Variants in PSMG3 observed in about 807,000 individuals in gnomAD.
The protein encoded by PSMG3 is proteasome assembly chaperone 3.
Under a neutral mutation model 7.9 loss-of-function variants are expected in PSMG3, and 4 were observed. That is an observed-to-expected ratio of 0.51 (90% confidence interval 0.25 to 1.16). PSMG3 has a LOEUF of 1.16. PSMG3 is among the 50% of genes most tolerant of loss of function. The probability of loss-of-function intolerance (pLI) is 0.15; values close to 1 mark genes in which losing one functional copy is unlikely to be tolerated. For synonymous variants in PSMG3, 81 were observed against 69.8 expected (o/e 1.16, Z -0.80); for missense variants, 151 against 157.4 (o/e 0.96, Z 0.22).
At chr7:1,568,127 G>A (rs943203575) in intron 1 of PSMG3, among the ~76,000 whole-genome samples, 1 of 152,110 alleles carries the variant, frequency 6.6e-6, no homozygotes, top group South Asian at 2.1e-4. Context: ...CCAGGAAAGA[G>A]AAGCCTGCAG....
intron 1 of PSMG3, among the ~76,000 whole-genome samples, chr7:1,568,599 G>A (rs1407866367): frequency 6.6e-6 from 1 of 151,816 alleles, no homozygotes; most frequent in East Asian, 2.0e-4. Context: ...CCAAGTAGCT[G>A]GGAGCACAGG....
chr7:1,569,965 G>C lies in PSMG3; in HGVS notation c.-626C>G, dbSNP rs1778859727. 3 of 151,924 alleles carry C rather than the reference G, an allele frequency of 2.0e-5. No individual in the cohort carries two copies. Among genetic ancestry groups the C allele is most frequent in the Admixed American group, 1.3e-4 (2 of 15,266 alleles). The allele number at this position is 151,924 out of a possible 1,614,324, so 9.4% of individuals were successfully genotyped here. ...CGGTGCCGAGGCCGGCCGGGCTACT[G>C]GGGACGCAGCCGCCCGGGGAAGCCC... On this transcript the variant is annotated 5_prime_UTR_variant, in exon 1 of 2. Coordinates refer to ENST00000288607, the MANE Select transcript of PSMG3 (RefSeq NM_032302.4).
In PSMG3 at chr7:1,569,568, A is replaced by C. The variant is rs1583241093; in HGVS notation, c.-229T>G. On this transcript the variant is annotated 5_prime_UTR_variant, in exon 1 of 2. Coordinates refer to ENST00000288607, the MANE Select transcript of PSMG3 (RefSeq NM_032302.4). ...CGATCGTTGAGGCCAGGAATTCGAG[A>C]CCAGCCTGGCCAACATAGCGAGACC... is the stretch of plus-strand genomic sequence containing the variant. 5.7e-6 allele frequency: 2 copies of C among 351,224 alleles called. No homozygotes were observed. Among genetic ancestry groups the C allele is most frequent in the Non-Finnish European group, 5.2e-6 (1 of 192,720 alleles). The allele number at this position is 351,224 out of a possible 1,614,324, so 21.8% of individuals were successfully genotyped here.
chr7:1,568,768 C>T (rs1778820471), intron 1 of PSMG3, among the ~76,000 whole-genome samples: 1 of 152,184 alleles, frequency 6.6e-6, no homozygotes, highest in Non-Finnish European at 1.5e-5. Flanking sequence ...CTGCCTCAGC[C>T]TCCTGAGTAG....
chr7:1,567,635 C>G lies in PSMG3; in HGVS notation c.*63G>C. 6 of 1,513,910 alleles carry G rather than the reference C, an allele frequency of 4.0e-6. No homozygotes were observed. Among genetic ancestry groups the G allele is most frequent in the Non-Finnish European group, 5.3e-6 (6 of 1,125,338 alleles). 93.8% of individuals were successfully genotyped at this position (1,513,910 alleles called of 1,614,324 possible). ...CCGGGGAGGGAGGTGAGACTTGAGTCCCTGAGTGGGTGTCTGGGTGTTCAC... is the reference window on the plus strand; with the variant it reads ...CCGGGGAGGGAGGTGAGACTTGAGTGCCTGAGTGGGTGTCTGGGTGTTCAC... On this transcript the variant is annotated 3_prime_UTR_variant, in exon 2 of 2. Coordinates refer to ENST00000288607, the MANE Select transcript of PSMG3 (RefSeq NM_032302.4).
Position 1,569,119 on chromosome 7 carries a change from T to C in PSMG3, c.216+5A>G, listed in dbSNP as rs1778828648. On this transcript the variant is annotated splice_donor_5th_base_variant and intron_variant, in intron 1 of 1. Coordinates refer to ENST00000288607, the MANE Select transcript of PSMG3 (RefSeq NM_032302.4). ...GAGCCACAGTTCCCGGCCAATCCAC[T>C]TTACCTCATCCTGCCCCAGAAGGAC... 1 of 1,612,702 alleles carries C rather than the reference T, an allele frequency of 6.2e-7. No homozygotes were observed. Among genetic ancestry groups the C allele is most frequent in the Non-Finnish European group, 8.5e-7 (1 of 1,179,674 alleles).
rs918004536 is a variant in PSMG3, at chr7:1,567,394, C to T, written c.*304G>A. 5 of 305,680 alleles carry T rather than the reference C, an allele frequency of 1.6e-5. No homozygotes were observed. The highest frequency in any genetic ancestry group is 1.0e-4 in the Admixed American group (2 of 19,834). 18.9% of individuals were successfully genotyped at this position (305,680 alleles called of 1,614,324 possible). Reference sequence around the variant, plus strand: ...TTCCTCCTACAATTGATCCTGCACACGGGGGGGCCATGAGCCACGCCTGCT... The same window carrying T: ...TTCCTCCTACAATTGATCCTGCACATGGGGGGGCCATGAGCCACGCCTGCT... On this transcript the variant is annotated 3_prime_UTR_variant, in exon 2 of 2. Coordinates refer to ENST00000288607, the MANE Select transcript of PSMG3 (RefSeq NM_032302.4).
chr7:1,569,014 G>T, intron 1 of PSMG3, 110 bp downstream of exon 1: 1 of 821,340 alleles, frequency 1.2e-6, no homozygotes, highest in Non-Finnish European at 2.0e-6. Context: ...GTGTTGTTGT[G>T]TTGCCCAGGC....
In PSMG3 at chr7:1,569,416, C is replaced by G; in HGVS notation, c.-77G>C. 1 of 1,212,782 alleles carries G rather than the reference C, an allele frequency of 8.2e-7. No individual in the cohort carries two copies. 75.1% of individuals were successfully genotyped at this position (1,212,782 alleles called of 1,614,324 possible). A position where few individuals can be genotyped will look rare whatever the true frequency, so the allele number is the denominator to read the frequency against. ...AAAAGGAGTCAATCAAACAGTACAGCCTTGGGGCTCCCAAAAAAGTAGCAC... is the reference window on the plus strand; with the variant it reads ...AAAAGGAGTCAATCAAACAGTACAGGCTTGGGGCTCCCAAAAAAGTAGCAC... On this transcript the variant is annotated 5_prime_UTR_variant, in exon 1 of 2. Transcript: ENST00000288607.
At position 1,567,515 on chromosome 7, in the gene PSMG3, T is replaced by C. The variant is rs1032514796; in HGVS notation, c.*183A>G. 6 of 569,492 alleles carry C rather than the reference T, an allele frequency of 1.1e-5. No individual in the cohort carries two copies. Among genetic ancestry groups the C allele is most frequent in the South Asian group, 2.5e-5 (1 of 40,630 alleles). The allele number at this position is 569,492 out of a possible 1,614,324, so 35.3% of individuals were successfully genotyped here. On this transcript the variant is annotated 3_prime_UTR_variant, in exon 2 of 2. Transcript: ENST00000288607. ...GGGACCTGTTCCACCCTCCCCGTCA[T>C]GCACAGATGATCTTAGTAACCAGAG...
chr7:1,568,623 G>A (rs1177798822), intron 1 of PSMG3, among the ~76,000 whole-genome samples: 1 of 150,424 alleles, frequency 6.6e-6, no homozygotes, highest in East Asian at 2.0e-4. Context: ...ACACCACTAG[G>A]CCCAGCTAAT....
In PSMG3 at chr7:1,569,701, G is replaced by C. The variant is rs1778851290; in HGVS notation, c.-362C>G. The C allele has an allele frequency of 9.6e-6, 2 of 209,412 alleles. No homozygotes were observed. The highest frequency in any genetic ancestry group is 7.9e-5 in the South Asian group (1 of 12,638). The allele number at this position is 209,412 out of a possible 1,614,324, so 13.0% of individuals were successfully genotyped here. Reference sequence around the variant, plus strand: ...GATCGCTTCAGCCCGGGAGGTCGAGGCTGCGGTGAGCCGTGATCACACCAT... The same window carrying C: ...GATCGCTTCAGCCCGGGAGGTCGAGCCTGCGGTGAGCCGTGATCACACCAT... On this transcript the variant is annotated 5_prime_UTR_variant, in exon 1 of 2. Coordinates refer to ENST00000288607, the MANE Select transcript of PSMG3 (RefSeq NM_032302.4).
chr7:1,567,591 GCCAAAGTTCCTCCCT>G lies in PSMG3; in HGVS notation c.*92_*106del. 1 of 1,162,262 alleles carries G rather than the reference GCCAAAGTTCCTCCCT, an allele frequency of 8.6e-7. No homozygotes were observed. Among genetic ancestry groups the G allele is most frequent in the Non-Finnish European group, 1.2e-6 (1 of 825,022 alleles). 72.0% of individuals were successfully genotyped at this position (1,162,262 alleles called of 1,614,324 possible). On this transcript the variant is annotated 3_prime_UTR_variant, in exon 2 of 2. Transcript: ENST00000288607. ...TTTTTTCCTGGCTCCAAGGGCTAGT[GCCAAAGTTCCTCCCT>G]CCACCGGGGAGGGAGGTGAGACTTG...
rs35358295 is a variant in PSMG3 at position 1,569,387 on chromosome 7, GA to G, written c.-49del. The G allele has an allele frequency of 5.0e-3, 7,327 of 1,451,610 alleles. 37 individuals carry two copies. The highest frequency in any genetic ancestry group is 8.7e-3 in the Middle Eastern group (35 of 4,010). The allele number at this position is 1,451,610 out of a possible 1,614,324, so 89.9% of individuals were successfully genotyped here. A position where few individuals can be genotyped will look rare whatever the true frequency, so the allele number is the denominator to read the frequency against. ...TTTAATTTAGGTTAAAAAGAAAGGG[GA>G]AAAAAAGGAGTCAATCAAACAGTAC... On this transcript the variant is annotated 5_prime_UTR_variant, in exon 1 of 2. An upstream open reading frame in the 5' UTR gains an earlier in-frame stop. Coordinates refer to ENST00000288607, the MANE Select transcript of PSMG3 (RefSeq NM_032302.4).
In PSMG3 at chr7:1,569,107, CG is replaced by C; in HGVS notation, c.216+16del. 6.2e-7 allele frequency: 1 copy of C among 1,609,640 alleles called. No homozygotes were observed. Among genetic ancestry groups the C allele is most frequent in the Non-Finnish European group, 8.5e-7 (1 of 1,177,080 alleles). Reference sequence around the variant, plus strand: ...GGTTACAGGCGTGAGCCACAGTTCCCGGCCAATCCACTTTACCTCATCCTGC... The same window carrying C: ...GGTTACAGGCGTGAGCCACAGTTCCCGCCAATCCACTTTACCTCATCCTGC... On this transcript the variant is annotated intron_variant, in intron 1 of 1. Coordinates refer to ENST00000288607, the MANE Select transcript of PSMG3 (RefSeq NM_032302.4).
intron 1 of PSMG3, among the ~76,000 whole-genome samples, chr7:1,568,655 C>CT (rs749513359): frequency 0.01 from 1,467 of 146,508 alleles, 16 homozygotes; most frequent in Non-Finnish European, 0.017. Flanking sequence ...TTTTCTTTTC[C>CT]TTTTTTTTTT....
rs1001090438 is a variant in PSMG3 at position 1,567,514 on chromosome 7, A to T, written c.*184T>A. The T allele has an allele frequency of 1.6e-5, 9 of 567,012 alleles. No individual in the cohort carries two copies. In the African/African-American group the frequency reaches 1.7e-4, roughly 11 times the overall value. 35.1% of individuals were successfully genotyped at this position (567,012 alleles called of 1,614,324 possible). A position where few individuals can be genotyped will look rare whatever the true frequency, so the allele number is the denominator to read the frequency against. On this transcript the variant is annotated 3_prime_UTR_variant, in exon 2 of 2. Coordinates refer to ENST00000288607, the MANE Select transcript of PSMG3 (RefSeq NM_032302.4). ...CGGGACCTGTTCCACCCTCCCCGTC[A>T]TGCACAGATGATCTTAGTAACCAGA...
Position 1,567,588 on chromosome 7 carries a change from A to G in PSMG3, c.*110T>C. The G allele has an allele frequency of 9.4e-7, 1 of 1,061,132 alleles. No individual in the cohort carries two copies. The highest frequency in any genetic ancestry group is 1.6e-5 in the South Asian group (1 of 64,154). 65.7% of individuals were successfully genotyped at this position (1,061,132 alleles called of 1,614,324 possible). The stretch of plus-strand genomic sequence containing the variant: ...GTCTTTTTTCCTGGCTCCAAGGGCT[A>G]GTGCCAAAGTTCCTCCCTCCACCGG... On this transcript the variant is annotated 3_prime_UTR_variant, in exon 2 of 2. Coordinates refer to ENST00000288607, the MANE Select transcript of PSMG3 (RefSeq NM_032302.4).
rs1778858595 is a variant in PSMG3 at position 1,569,944 on chromosome 7, G to A, written c.-605C>T. On this transcript the variant is annotated 5_prime_UTR_variant, in exon 1 of 2. Coordinates refer to ENST00000288607, the MANE Select transcript of PSMG3 (RefSeq NM_032302.4). The stretch of plus-strand genomic sequence containing the variant: ...GCCCGGGACCCCCACGACACGCGGT[G>A]CCGAGGCCGGCCGGGCTACTGGGGA... 1 of 151,820 alleles carries A rather than the reference G, an allele frequency of 6.6e-6. No individual in the cohort carries two copies. Among genetic ancestry groups the A allele is most frequent in the African/African-American group, 2.4e-5 (1 of 41,382 alleles). 9.4% of individuals were successfully genotyped at this position (151,820 alleles called of 1,614,324 possible). A position where few individuals can be genotyped will look rare whatever the true frequency, so the allele number is the denominator to read the frequency against.
Sources: allele counts gnomAD v4.1 joint callset (sites outside exome capture counted in the v4.1 genomes callset), GRCh38; gene constraint gnomAD v4.1.1; transcripts MANE v1.5; gene names NCBI Gene and HGNC (gene_info 2026-07-23, HGNC 2026-07-21).